DYRK1A: variants seen among roughly 807,000 people sequenced by gnomAD.
DYRK1A encodes dual specificity tyrosine-phosphorylation-regulated kinase 1A.
Under a neutral mutation model 79.7 loss-of-function variants are expected in DYRK1A, and 9 were observed. The observed-to-expected ratio is 0.11, with a 90% CI of 0.07 to 0.20. The LOEUF (loss-of-function observed/expected upper bound fraction) is 0.20. DYRK1A is among the 10% of genes least tolerant of loss of function. The pLI is 1.00. For synonymous variants in DYRK1A, 349 were observed against 329.7 expected, an observed-to-expected ratio of 1.06 and a Z score of -0.63; for missense variants, 622 against 956.0, an observed-to-expected ratio of 0.65 and a Z score of 4.61.
chr21:37,409,551 C>T (rs574131690), intron 1 of DYRK1A, among the ~76,000 whole-genome samples: 1 of 152,120 alleles, frequency 6.6e-6, no homozygotes, highest in African/African-American at 2.4e-5. Context: ...AGTGGTTACT[C>T]ATTGTGGCCC....
chr21:37,408,625 G>A (rs538727734), intron 1 of DYRK1A, among the ~76,000 whole-genome samples: 1 of 152,232 alleles, frequency 6.6e-6, no homozygotes, highest in South Asian at 2.1e-4. Flanking sequence ...TAGCTTTTGT[G>A]CCCTTTGCAT....
chr21:37,462,550 C>G (rs529987956), intron 2 of DYRK1A, among the ~76,000 whole-genome samples: 60 of 152,298 alleles, frequency 3.9e-4, no homozygotes, highest in Non-Finnish European at 7.9e-4. Flanking sequence ...GGTAGTTGTT[C>G]TGTGCCTGGC....
At chr21:37,426,420 A>G (rs1230185013) in intron 2 of DYRK1A, among the ~76,000 whole-genome samples, 1 of 152,198 alleles carries the variant, frequency 6.6e-6, no homozygotes, top group Non-Finnish European at 1.5e-5. Flanking sequence ...CACAAAATAA[A>G]TGAAACTATA....
At chr21:37,378,585 T>A (rs1400406305) in intron 1 of DYRK1A, among the ~76,000 whole-genome samples, 1 of 152,222 alleles carries the variant, frequency 6.6e-6, no homozygotes, top group African/African-American at 2.4e-5. Flanking sequence ...GTTACTCTGT[T>A]GATTGAATAA....
chr21:37,503,362 T>A (rs911025713), intron 9 of DYRK1A: 2 of 152,260 alleles, frequency 1.3e-5, no homozygotes, highest in African/African-American at 4.8e-5. Flanking sequence ...GTTCACTGAT[T>A]TCTTTTTTTT....
chr21:37,498,487 G>T (rs933607879), intron 9 of DYRK1A, among the ~76,000 whole-genome samples: 3 of 152,086 alleles, frequency 2.0e-5, no homozygotes, highest in Non-Finnish European at 4.4e-5. Flanking sequence ...CTCAGCAAAT[G>T]TATTGTTTTT....
chr21:37,463,546 G>A (rs886194429), intron 2 of DYRK1A, among the ~76,000 whole-genome samples: 1 of 152,140 alleles, frequency 6.6e-6, no homozygotes, highest in South Asian at 2.1e-4. Flanking sequence ...CTTACCTCCC[G>A]TGCAGTCCCC....
chr21:37,398,145 T>TA (rs1260850360), intron 1 of DYRK1A, among the ~76,000 whole-genome samples: 3 of 148,674 alleles, frequency 2.0e-5, no homozygotes, highest in East Asian at 2.0e-4. Flanking sequence ...TATATATATA[T>TA]TTTTTTACCC....
At chr21:37,486,765 G>C in intron 6 of DYRK1A, 151 bp downstream of exon 6, 2 of 681,550 alleles carry the variant, frequency 2.9e-6, no homozygotes, top group Non-Finnish European at 4.4e-6. Context: ...TTATATAAGT[G>C]ACTTGATCTG....
At chr21:37,372,051 T>C (rs1242819489) in intron 1 of DYRK1A, among the ~76,000 whole-genome samples, 1 of 152,130 alleles carries the variant, frequency 6.6e-6, no homozygotes, top group Non-Finnish European at 1.5e-5. Flanking sequence ...GCTATGCATT[T>C]TCTCTTCTGG....
At chr21:37,404,828 G>A (rs763624136) in intron 1 of DYRK1A, among the ~76,000 whole-genome samples, 13 of 152,174 alleles carry the variant, frequency 8.5e-5, no homozygotes, top group African/African-American at 2.9e-4. Flanking sequence ...TTTAATAGCC[G>A]TTAGGCATAC....
rs2053264793 is a variant in DYRK1A, at chr21:37,496,215, C to T, written c.1169C>T (p.Pro390Leu). Residue 390 changes from proline to leucine, a missense_variant, in exon 9 of 12, where the codon CCA becomes CTA. Pro to Leu is a moderately conservative substitution (Grantham distance 98, BLOSUM62 -3). Around this residue, in one of 5 missense-constraint regions of DYRK1A, gnomAD observed 80 missense variants for 116.5 expected, o/e 0.69. Transcript: ENST00000647188. ...GCAAGAAAGTTCTTTGAGAAGTTGC[C>T]AGATGGCACTTGGAACTTAAAGAAG... ...PKARKFFEKLPDGTWNLKKTK... is the reference protein window; with the variant it reads ...PKARKFFEKLLDGTWNLKKTK... The T allele has an allele frequency of 6.2e-7, 1 of 1,614,026 alleles. No homozygotes were observed. Among genetic ancestry groups the T allele is most frequent in the Non-Finnish European group, 8.5e-7 (1 of 1,179,978 alleles).
intron 2 of DYRK1A, among the ~76,000 whole-genome samples, chr21:37,438,472 G>A (rs534119845): frequency 6.6e-6 from 1 of 152,148 alleles, no homozygotes; most frequent in Non-Finnish European, 1.5e-5. Context: ...TAAGTCTGTG[G>A]TCCATTTGGA....
chr21:37,508,476 G>A (rs1038452588), intron 11 of DYRK1A, among the ~76,000 whole-genome samples: 1 of 152,080 alleles, frequency 6.6e-6, no homozygotes, highest in Non-Finnish European at 1.5e-5. Context: ...TAGTAGAGAC[G>A]GGGTTTTGCC....
intron 2 of DYRK1A, among the ~76,000 whole-genome samples, chr21:37,440,780 A>G (rs2051078744): frequency 6.6e-6 from 1 of 152,034 alleles, no homozygotes; most frequent in South Asian, 2.1e-4. Flanking sequence ...GAATAACTCG[A>G]TTTCCTTTAA....
chr21:37,458,455 C>T (rs1467126538), intron 2 of DYRK1A, among the ~76,000 whole-genome samples: 1 of 152,162 alleles, frequency 6.6e-6, no homozygotes, highest in Non-Finnish European at 1.5e-5. Context: ...TCCAGATCGT[C>T]TTTGAGGCAC....
intron 3 of DYRK1A, among the ~76,000 whole-genome samples, chr21:37,474,970 C>G (rs2052347713): frequency 6.6e-6 from 1 of 152,102 alleles, no homozygotes; most frequent in African/African-American, 2.4e-5. Flanking sequence ...TATAGGAAAA[C>G]AGGAGGTAAA....
At position 37,517,404 on chromosome 21, in the gene DYRK1A, A is replaced by G. The variant is rs2053891972; in HGVS notation, c.*4873A>G. 1 of 152,206 alleles carries G rather than the reference A, an allele frequency of 6.6e-6. No homozygotes were observed. Among genetic ancestry groups the G allele is most frequent in the Non-Finnish European group, 1.5e-5 (1 of 68,036 alleles). The allele number at this position is 152,206 out of a possible 1,614,324, so 9.4% of individuals were successfully genotyped here. On this transcript the variant is annotated 3_prime_UTR_variant, in exon 12 of 12. Coordinates refer to ENST00000647188, the MANE Select transcript of DYRK1A (RefSeq NM_001347721.2). ...GTGCTTAATGTTTCATCTGTCTGAAAGACCAGCTATTTGATAATCTTCCCG... is the reference window on the plus strand; with the variant it reads ...GTGCTTAATGTTTCATCTGTCTGAAGGACCAGCTATTTGATAATCTTCCCG...
intron 2 of DYRK1A, among the ~76,000 whole-genome samples, chr21:37,433,394 A>G (rs1218158347): frequency 1.3e-5 from 2 of 152,204 alleles, no homozygotes; most frequent in African/African-American, 4.8e-5. Context: ...TGACATGGAA[A>G]ATGCCCAGGC....
Sources: gnomAD v4.1 joint callset for allele counts (sites outside exome capture counted in the v4.1 genomes callset) on GRCh38, gnomAD v4.1.1 for gene constraint, gnomAD v4.1.1 regional missense constraint, MANE v1.5 for transcripts, NCBI Gene and HGNC (gene_info 2026-07-23, HGNC 2026-07-21) for gene names.